The following VWF variants were observed in gnomAD, a reference collection of about 807,000 sequenced individuals.
VWF encodes the protein Factor VIII related antigen.
A neutral mutation model predicts 308.6 loss-of-function variants in VWF; 176 were observed. The observed-to-expected ratio is 0.57, with a 90% CI of 0.50 to 0.65. The LOEUF (loss-of-function observed/expected upper bound fraction) is 0.65, where lower values mean the gene tolerates loss of function less well. Ranked by LOEUF, VWF falls within the 30% of genes least tolerant of loss-of-function variation. The pLI is 0.00. For synonymous variants in VWF, 1,385 were observed against 1,443.4 expected (o/e 0.96, Z 0.92); for missense variants, 3,146 against 3,648.2 (o/e 0.86, Z 3.55).
chr12:6,036,891 G>A (rs2136432585), intron 18 of VWF, among the ~76,000 whole-genome samples: 1 of 152,266 alleles, frequency 6.6e-6, no homozygotes, highest in East Asian at 1.9e-4. Flanking sequence ...ATTTCTCTGA[G>A]GGAAATAGAA....
At chr12:5,953,057 T>C (rs1943211572) in intron 48 of VWF, among the ~76,000 whole-genome samples, 1 of 152,036 alleles carries the variant, frequency 6.6e-6, no homozygotes, top group African/African-American at 2.4e-5. Flanking sequence ...TGAAATCCCA[T>C]CTCTACTAAA....
chr12:6,105,220 C>T (rs1006092143), intron 5 of VWF, among the ~76,000 whole-genome samples: 3 of 152,002 alleles, frequency 2.0e-5, no homozygotes, highest in African/African-American at 7.2e-5. Flanking sequence ...GCGCTTGTAC[C>T]CCATAAATTT....
At chr12:6,121,039 G>C in intron 3 of VWF, 135 bp downstream of exon 3, 2 of 1,243,544 alleles carry the variant, frequency 1.6e-6, no homozygotes, top group Admixed American at 4.0e-5. Flanking sequence ...TCACAGAAAG[G>C]CTGTTCCTCT....
chr12:5,985,796 G>C, intron 38 of VWF, 131 bp from the exon 39 acceptor site: 1 of 847,190 alleles, frequency 1.2e-6, no homozygotes, highest in Non-Finnish European at 1.9e-6. Context: ...GAGCCTCACA[G>C]GCAAACAAAA....
intron 34 of VWF, among the ~76,000 whole-genome samples, chr12:6,001,327 T>C (rs1289545036): frequency 1.3e-5 from 2 of 152,050 alleles, no homozygotes; most frequent in African/African-American, 2.4e-5. Flanking sequence ...GCTTAACTTG[T>C]CTACTAAAAC....
chr12:6,037,252 G>A (rs1753816433), intron 18 of VWF, among the ~76,000 whole-genome samples: 1 of 152,102 alleles, frequency 6.6e-6, no homozygotes, highest in Admixed American at 6.6e-5. Flanking sequence ...TCTTCAATGA[G>A]CATGTATTAT....
At chr12:5,996,720 G>C (rs916752223) in intron 34 of VWF, among the ~76,000 whole-genome samples, 1 of 129,186 alleles carries the variant, frequency 7.7e-6, no homozygotes, top group Non-Finnish European at 1.6e-5. Flanking sequence ...AATCCCTTAA[G>C]AGATCGCACA....
chr12:6,105,310 C>T (rs1945229201), intron 5 of VWF, among the ~76,000 whole-genome samples: 1 of 152,080 alleles, frequency 6.6e-6, no homozygotes, highest in Non-Finnish European at 1.5e-5. Context: ...CTCATTGCAA[C>T]CTCCGTCCCC....
At chr12:6,057,311 A>ATTT (rs1250165048) in intron 14 of VWF, among the ~76,000 whole-genome samples, 2 of 129,428 alleles carry the variant, frequency 1.5e-5, no homozygotes, top group African/African-American at 6.1e-5. Flanking sequence ...GGACTATGGA[A>ATTT]TTTTTTTTTT....
chr12:5,982,644 T>A (rs1014267026), intron 41 of VWF, among the ~76,000 whole-genome samples: 5 of 151,926 alleles, frequency 3.3e-5, no homozygotes, highest in African/African-American at 1.2e-4. Flanking sequence ...GGAGTTAGAG[T>A]GGGGATTCTC....
At chr12:6,114,347 AC>A (rs565046202) in intron 3 of VWF, among the ~76,000 whole-genome samples, 1 of 152,122 alleles carries the variant, frequency 6.6e-6, no homozygotes, top group Non-Finnish European at 1.5e-5. Flanking sequence ...TAAGCAAGGT[AC>A]TCGTTCCACA....
intron 15 of VWF, among the ~76,000 whole-genome samples, chr12:6,054,004 G>A (rs1415980400): frequency 6.6e-6 from 1 of 152,206 alleles, no homozygotes; most frequent in Non-Finnish European, 1.5e-5. Flanking sequence ...TCCCTGTGCA[G>A]ACCAGCTGCT....
chr12:6,082,610 A>G (rs1944926018), intron 6 of VWF, among the ~76,000 whole-genome samples: 2 of 152,250 alleles, frequency 1.3e-5, no homozygotes, highest in Non-Finnish European at 1.5e-5. Flanking sequence ...CACTGTTCAA[A>G]CTACGTTCTA....
intron 3 of VWF, among the ~76,000 whole-genome samples, chr12:6,112,859 G>A (rs1010729854): frequency 1.5e-5 from 2 of 134,274 alleles, no homozygotes; most frequent in East Asian, 2.0e-4. Flanking sequence ...CACACCACAC[G>A]CACACACACC....
chr12:6,073,888 G>T, intron 7 of VWF, 147 bp from the exon 8 acceptor site: 2 of 1,266,878 alleles, frequency 1.6e-6, no homozygotes, highest in Non-Finnish European at 2.2e-6. Context: ...CCCCCAGTGA[G>T]CCACGTGCCC....
intron 10 of VWF, among the ~76,000 whole-genome samples, chr12:6,066,744 G>A (rs1041892923): frequency 6.6e-6 from 1 of 152,242 alleles, no homozygotes; most frequent in African/African-American, 2.4e-5. Flanking sequence ...TCCCCAAAAG[G>A]CACAGAGAGA....
intron 47 of VWF, among the ~76,000 whole-genome samples, chr12:5,957,030 A>G (rs1473997748): frequency 2.6e-5 from 4 of 152,038 alleles, no homozygotes; most frequent in Non-Finnish European, 4.4e-5. Flanking sequence ...TGTCATTTTT[A>G]TCCTTTATAT....
intron 6 of VWF, among the ~76,000 whole-genome samples, chr12:6,092,640 T>A (rs1448672661): frequency 0.018 from 1,936 of 107,752 alleles, 72 homozygotes; most frequent in African/African-American, 0.078. Context: ...TGTGTGTGTG[T>A]GTGTGTGTGT....
At chr12:6,080,087 G>C (rs202222452) in intron 6 of VWF, among the ~76,000 whole-genome samples, 4 of 152,040 alleles carry the variant, frequency 2.6e-5, no homozygotes, top group East Asian at 1.9e-4. Context: ...TTCCAGGAAG[G>C]CTTCTCTGAC....
Sources: gnomAD v4.1 joint callset for allele counts (sites outside exome capture counted in the v4.1 genomes callset) on GRCh38, gnomAD v4.1.1 for gene constraint, MANE v1.5 for transcripts, NCBI Gene and HGNC (gene_info 2026-07-23, HGNC 2026-07-21) for gene names.